SHANK2: variants seen among roughly 807,000 people sequenced by gnomAD.
SHANK2 encodes SH3 and multiple ankyrin repeat domains 2, also known as SH3 and multiple ankyrin repeat domains protein 2.
SHANK2 carries 43 observed loss-of-function variants against 133.7 expected under a neutral mutation model. The ratio of observed to expected loss-of-function variants is 0.32; its 90% CI spans 0.25 to 0.41. The LOEUF is 0.41. Among genes scored for constraint, SHANK2 ranks in the 10% least tolerant of loss-of-function variants. SHANK2 has a pLI of 1.00. For missense variants in SHANK2, 1,994 were observed against 2,235.8 expected, an observed-to-expected ratio of 0.89 and a Z score of 2.18; for synonymous variants, 1,017 against 952.8, an observed-to-expected ratio of 1.07 and a Z score of -1.24.
chr11:70,473,855 G>A lies in SHANK2; in HGVS notation c.4980-416C>T, dbSNP rs1255586043. On this transcript the variant is annotated intron_variant, in intron 25 of 25. Coordinates refer to ENST00000601538, the MANE Select transcript of SHANK2 (RefSeq NM_012309.5). The surrounding 1 kb of genome is among the most constrained non-coding windows in gnomAD (Gnocchi z 5.9). Reference sequence around the variant, plus strand: ...GTCCCTTGAAGAGGGCACGGAGACAGGGACAGAGTGGGGTCCTGTCACCTG... The same window carrying A: ...GTCCCTTGAAGAGGGCACGGAGACAAGGACAGAGTGGGGTCCTGTCACCTG... 5 of 321,482 alleles carry A rather than the reference G, an allele frequency of 1.6e-5. No homozygotes were observed. Among genetic ancestry groups the A allele is most frequent in the Non-Finnish European group, 2.5e-5 (4 of 162,472 alleles). The allele number at this position is 321,482 out of a possible 1,614,324, so 19.9% of individuals were successfully genotyped here.
intron 14 of SHANK2, among the ~76,000 whole-genome samples, chr11:70,797,372 A>G (rs1555049332): frequency 6.6e-6 from 1 of 152,106 alleles, no homozygotes; most frequent in African/African-American, 2.4e-5. Flanking sequence ...ATACCCCACA[A>G]TACCGTCTGG....
chr11:71,170,710 G>A (rs559261815), intron 2 of SHANK2, among the ~76,000 whole-genome samples: 3 of 152,340 alleles, frequency 2.0e-5, no homozygotes, highest in East Asian at 3.9e-4. Context: ...CGACCTCCAA[G>A]GTCACGGCAG....
rs998721235 is a variant in SHANK2, at chr11:70,721,503, C to A, written c.1778-22740G>T. ...CCACTGAATATTGGAGGTGTGTACACCCCACTGTTGGGGAAGGCCTGTTCT... is the reference window on the plus strand; with the variant it reads ...CCACTGAATATTGGAGGTGTGTACAACCCACTGTTGGGGAAGGCCTGTTCT... On this transcript the variant is annotated intron_variant, in intron 14 of 25. Transcript: ENST00000601538. Among the ~76,000 whole-genome samples, 6 of 152,176 alleles carry A rather than the reference C, an allele frequency of 3.9e-5. No individual in the cohort carries two copies. In the South Asian group the frequency reaches 1.2e-3, roughly 32 times the overall value.
intron 14 of SHANK2, among the ~76,000 whole-genome samples, chr11:70,725,617 C>T (rs1007713145): frequency 1.3e-5 from 2 of 152,184 alleles, no homozygotes; most frequent in East Asian, 3.8e-4. Context: ...CAATACCGCA[C>T]GATCCCAAGA....
chr11:71,250,289 A>G (rs1183341973), intron 1 of SHANK2, among the ~76,000 whole-genome samples: 1 of 152,188 alleles, frequency 6.6e-6, no homozygotes, highest in Non-Finnish European at 1.5e-5. Context: ...TTTCCACCCA[A>G]TTCTTCCTTC....
At chr11:71,081,968 G>T (rs1412560567) in intron 8 of SHANK2, among the ~76,000 whole-genome samples, 1 of 152,212 alleles carries the variant, frequency 6.6e-6, no homozygotes, top group African/African-American at 2.4e-5. Context: ...ATCTGGAAAG[G>T]TGCAGTACCT....
intron 17 of SHANK2, among the ~76,000 whole-genome samples, chr11:70,556,261 A>G (rs527918959): frequency 6.6e-6 from 1 of 152,342 alleles, no homozygotes; most frequent in African/African-American, 2.4e-5. Flanking sequence ...TTGTCTGAAT[A>G]TATCACAGTT....
intron 12 of SHANK2, among the ~76,000 whole-genome samples, chr11:70,813,562 G>C (rs1209218299): frequency 6.6e-6 from 1 of 152,046 alleles, no homozygotes; most frequent in Non-Finnish European, 1.5e-5. Context: ...ACTCAAGGTG[G>C]GTAGGTGGGT....
chr11:70,863,404 C>T (rs1949293888), intron 11 of SHANK2: 1 of 457,808 alleles, frequency 2.2e-6, no homozygotes, highest in Non-Finnish European at 4.4e-6. Context: ...CTGGACGAGC[C>T]CCAAGCATCC....
At chr11:70,534,420 T>C (rs574958608) in intron 17 of SHANK2, among the ~76,000 whole-genome samples, 2 of 152,208 alleles carry the variant, frequency 1.3e-5, no homozygotes, top group Non-Finnish European at 2.9e-5. Flanking sequence ...ATGGGGATTA[T>C]GGGAACTACA....
chr11:70,954,033 T>C (rs1032059097), intron 10 of SHANK2, among the ~76,000 whole-genome samples: 7 of 152,156 alleles, frequency 4.6e-5, no homozygotes, highest in African/African-American at 1.7e-4. Flanking sequence ...CATCAGCTCA[T>C]AGAAATTGCA....
intron 9 of SHANK2, among the ~76,000 whole-genome samples, chr11:71,067,824 TACC>T (rs1184622441): frequency 7.1e-6 from 1 of 141,094 alleles, no homozygotes; most frequent in East Asian, 2.1e-4. Flanking sequence ...ACATCACCAC[TACC>T]ACCACCATCG....
rs1254942782 is a variant in SHANK2 at position 70,503,028 on chromosome 11, G to A, written c.2062-97C>T. ...CAGAGACATGTGGGCTCCTAAAAAG[G>A]GGGCAAATGCAGGGAAGCAAAGGGA... On this transcript the variant is annotated intron_variant, in intron 17 of 25. Transcript: ENST00000601538. 2.9e-6 allele frequency: 4 copies of A among 1,387,182 alleles called. No homozygotes were observed. In the African/African-American group the frequency reaches 4.3e-5, roughly 15 times the overall value. 85.9% of individuals were successfully genotyped at this position (1,387,182 alleles called of 1,614,324 possible). A position where few individuals can be genotyped will look rare whatever the true frequency, so the allele number is the denominator to read the frequency against.
At chr11:70,645,590 G>A (rs2061248875) in intron 17 of SHANK2, among the ~76,000 whole-genome samples, 1 of 152,198 alleles carries the variant, frequency 6.6e-6, no homozygotes, top group Non-Finnish European at 1.5e-5. Flanking sequence ...CACGGGTGCT[G>A]CCGAGGTTCA....
chr11:70,870,567 G>T lies in SHANK2; in HGVS notation c.1174+25934C>A, dbSNP rs149999592. 4.2e-3 allele frequency among the ~76,000 whole-genome samples: 638 copies of T among 152,256 alleles called. 2 individuals carry two copies. Among genetic ancestry groups the T allele is most frequent in the African/African-American group, 0.014 (585 of 41,542 alleles). On this transcript the variant is annotated intron_variant, in intron 11 of 25. Coordinates refer to ENST00000601538, the MANE Select transcript of SHANK2 (RefSeq NM_012309.5). The stretch of plus-strand genomic sequence containing the variant: ...AATTGTCTCATGGTTCTGGAGGTTG[G>T]AAGTCTGAGGTCAAGGTGTTGGCAG...
chr11:71,107,267 C>T (rs1458834806), intron 6 of SHANK2, among the ~76,000 whole-genome samples: 1 of 152,150 alleles, frequency 6.6e-6, no homozygotes, highest in Non-Finnish European at 1.5e-5. Context: ...CTTCCCTGCA[C>T]GCATTCTGTC....
chr11:70,545,019 C>T lies in SHANK2; in HGVS notation c.2062-42088G>A, dbSNP rs576190721. On this transcript the variant is annotated intron_variant, in intron 17 of 25. Transcript: ENST00000601538. ...GGGAGCTTCTCTCACATGCCAAGCACGGGCACAGGATGGCCTCTTGGAAGA... is the reference window on the plus strand; with the variant it reads ...GGGAGCTTCTCTCACATGCCAAGCATGGGCACAGGATGGCCTCTTGGAAGA... 1.1e-4 allele frequency among the ~76,000 whole-genome samples: 16 copies of T among 152,280 alleles called. No homozygotes were observed. The East Asian group carries it at 1.5e-3, about 15-fold the overall frequency.
chr11:70,539,672 G>A (rs2059592607), intron 17 of SHANK2, among the ~76,000 whole-genome samples: 2 of 152,206 alleles, frequency 1.3e-5, no homozygotes, highest in Non-Finnish European at 2.9e-5. Context: ...GTGGGGACCA[G>A]GATGTAATCT....
At chr11:70,527,403 G>A (rs112522430) in intron 17 of SHANK2, among the ~76,000 whole-genome samples, 1 of 152,184 alleles carries the variant, frequency 6.6e-6, no homozygotes, top group Non-Finnish European at 1.5e-5. Flanking sequence ...GACCCCCATG[G>A]TCCCCGCTTC....
Sources: allele counts gnomAD v4.1 joint callset (sites outside exome capture counted in the v4.1 genomes callset), GRCh38; gene constraint gnomAD v4.1.1; non-coding constraint Gnocchi (gnomAD v3.1); transcripts MANE v1.5; gene names NCBI Gene and HGNC (gene_info 2026-07-23, HGNC 2026-07-21).